Variants in KLHL1 observed in about 807,000 individuals in gnomAD.
The protein encoded by KLHL1 is kelch like family member 1.
Under a neutral mutation model 77.7 loss-of-function variants are expected in KLHL1, and 47 were observed. That is an observed-to-expected ratio of 0.60 (90% CI 0.48 to 0.77). KLHL1 has a LOEUF of 0.77. Among genes scored for constraint, KLHL1 ranks in the 30% least tolerant of loss-of-function variants. KLHL1 has a pLI of 0.00. For missense variants in KLHL1, 925 were observed against 910.8 expected, an observed-to-expected ratio of 1.02 and a Z score of -0.20; for synonymous variants, 360 against 325.2, an observed-to-expected ratio of 1.11 and a Z score of -1.15.
intron 1 of KLHL1, among the ~76,000 whole-genome samples, chr13:70,012,683 G>C (rs989284902): frequency 7.2e-5 from 11 of 152,090 alleles, no homozygotes; most frequent in African/African-American, 2.4e-4. Flanking sequence ...GGCTGAGGCG[G>C]GTGGATCACG....
intron 6 of KLHL1, among the ~76,000 whole-genome samples, chr13:69,838,735 T>C (rs937188226): frequency 6.6e-6 from 1 of 151,812 alleles, no homozygotes; most frequent in African/African-American, 2.4e-5. Context: ...GTGATTCAAA[T>C]CTCTTTTTTA....
At chr13:69,811,650 A>C (rs1034228451) in intron 6 of KLHL1, among the ~76,000 whole-genome samples, 1 of 152,156 alleles carries the variant, frequency 6.6e-6, no homozygotes, top group South Asian at 2.1e-4. Context: ...AGTTACAGAA[A>C]TAAAAGACAT....
intron 3 of KLHL1, among the ~76,000 whole-genome samples, chr13:69,959,489 G>A (rs1052030857): frequency 4.6e-5 from 7 of 150,930 alleles, no homozygotes; most frequent in Non-Finnish European, 7.4e-5. Flanking sequence ...ATTTGCCTCA[G>A]TTTCACTAAA....
chr13:69,757,507 TG>T (rs1182396207), intron 7 of KLHL1, among the ~76,000 whole-genome samples: 2 of 152,140 alleles, frequency 1.3e-5, no homozygotes, highest in South Asian at 4.1e-4. Context: ...CAGATATGAA[TG>T]TTTATTATTT....
chr13:69,710,963 G>C (rs1049019865), intron 9 of KLHL1, among the ~76,000 whole-genome samples: 2 of 151,956 alleles, frequency 1.3e-5, no homozygotes, highest in Admixed American at 6.6e-5. Flanking sequence ...CAAAAGAAGT[G>C]CCAGTATATA....
chr13:69,923,842 C>A (rs1005881353), intron 4 of KLHL1, among the ~76,000 whole-genome samples: 1 of 152,126 alleles, frequency 6.6e-6, no homozygotes, highest in African/African-American at 2.4e-5. Context: ...ACTTCCCAGG[C>A]GCAGCTGCAG....
chr13:69,849,379 T>A (rs1265773732), intron 5 of KLHL1, among the ~76,000 whole-genome samples: 1 of 151,464 alleles, frequency 6.6e-6, no homozygotes, highest in African/African-American at 2.4e-5. Context: ...CTTTCCCCAA[T>A]ACCCTGAAGC....
chr13:69,720,163 T>C (rs375239319), intron 8 of KLHL1, among the ~76,000 whole-genome samples: 7 of 152,156 alleles, frequency 4.6e-5, no homozygotes, highest in Admixed American at 3.3e-4. Flanking sequence ...GTTAGTATGA[T>C]TGAAAATTGC....
intron 4 of KLHL1, among the ~76,000 whole-genome samples, chr13:69,910,401 A>G (rs1163233676): frequency 6.6e-6 from 1 of 152,076 alleles, no homozygotes; most frequent in Non-Finnish European, 1.5e-5. Flanking sequence ...TGACTGATGT[A>G]TTAGTAAATC....
intron 1 of KLHL1, among the ~76,000 whole-genome samples, chr13:70,007,289 A>G (rs1421590949): frequency 6.6e-6 from 1 of 152,056 alleles, no homozygotes; most frequent in Non-Finnish European, 1.5e-5. Flanking sequence ...TAGACATTTT[A>G]TAAGTTTCTT....
chr13:70,052,080 C>T (rs1009037118), intron 1 of KLHL1, among the ~76,000 whole-genome samples: 5 of 151,634 alleles, frequency 3.3e-5, no homozygotes, highest in Admixed American at 6.6e-5. Flanking sequence ...CTTTCTTAGC[C>T]GTGCAATAGG....
chr13:69,878,480 T>C (rs1461259788), intron 5 of KLHL1, among the ~76,000 whole-genome samples: 1 of 152,090 alleles, frequency 6.6e-6, no homozygotes, highest in Non-Finnish European at 1.5e-5. Flanking sequence ...TTAGACCAAG[T>C]ACTGTTTCCT....
At chr13:69,766,381 G>A (rs1875303488) in intron 7 of KLHL1, among the ~76,000 whole-genome samples, 1 of 151,652 alleles carries the variant, frequency 6.6e-6, no homozygotes, top group African/African-American at 2.4e-5. Context: ...CTCTCTGTAT[G>A]TGCATATAAT....
intron 1 of KLHL1, among the ~76,000 whole-genome samples, chr13:70,003,891 C>T (rs572633354): frequency 2.6e-5 from 4 of 151,594 alleles, no homozygotes; most frequent in Admixed American, 2.6e-4. Flanking sequence ...AGAACTGGAT[C>T]ACATCAAATT....
At chr13:70,075,661 ATGTG>A (rs1193569882) in intron 1 of KLHL1, among the ~76,000 whole-genome samples, 7 of 140,792 alleles carry the variant, frequency 5.0e-5, no homozygotes, top group Non-Finnish European at 9.2e-5. Flanking sequence ...ATATATACCT[ATGTG>A]TGTGTGTATA....
chr13:70,032,938 A>G (rs1005998077), intron 1 of KLHL1, among the ~76,000 whole-genome samples: 6 of 152,282 alleles, frequency 3.9e-5, no homozygotes, highest in African/African-American at 9.6e-5. Flanking sequence ...TTAAAAGTCA[A>G]TTGCAGCTCT....
rs544397647 is a variant in KLHL1, at chr13:69,993,689, C to T, written c.498-17887G>A. ...AGAGGTAGTAATGGACTCCATTTTT[C>T]TCATCTGGATGCCTTATTATTTAAT... On this transcript the variant is annotated intron_variant, in intron 1 of 10. Transcript: ENST00000377844. Among the ~76,000 whole-genome samples the T allele has an allele frequency of 3.3e-3, 499 of 152,150 alleles. 3 individuals carry two copies. The highest frequency in any genetic ancestry group is 0.011 in the African/African-American group (473 of 41,546).
intron 5 of KLHL1, among the ~76,000 whole-genome samples, chr13:69,875,874 C>A (rs2138184413): frequency 6.6e-6 from 1 of 151,618 alleles, no homozygotes. Context: ...CTTACTCCTG[C>A]AATCTAGCTT....
intron 1 of KLHL1, among the ~76,000 whole-genome samples, chr13:70,091,234 T>C (rs1482333060): frequency 6.6e-6 from 1 of 152,106 alleles, no homozygotes; most frequent in Non-Finnish European, 1.5e-5. Context: ...CAAGTTTGGA[T>C]TGTGTACCTA....
Sources: gnomAD v4.1 joint callset for allele counts (sites outside exome capture counted in the v4.1 genomes callset) on GRCh38, gnomAD v4.1.1 for gene constraint, MANE v1.5 for transcripts, NCBI Gene and HGNC (gene_info 2026-07-23, HGNC 2026-07-21) for gene names.